CELSR1: variants seen among roughly 807,000 people sequenced by gnomAD.
CELSR1 encodes the protein cadherin EGF LAG seven-pass G-type receptor 1.
A neutral mutation model predicts 249.1 loss-of-function variants in CELSR1; 110 were observed. The ratio of observed to expected loss-of-function variants is 0.44; its 90% CI spans 0.38 to 0.52. The LOEUF (loss-of-function observed/expected upper bound fraction) is 0.52, where lower values mean the gene tolerates loss of function less well. CELSR1 is among the 20% of genes least tolerant of loss of function. The pLI, the probability that CELSR1 is intolerant of heterozygous loss-of-function variation, is 0.00. For synonymous variants in CELSR1, 2,113 were observed against 1,900.0 expected, an observed-to-expected ratio of 1.11 and a Z score of -2.92; for missense variants, 4,109 against 4,296.4, an observed-to-expected ratio of 0.96 and a Z score of 1.22.
chr22:46,478,878 G>GA (rs1208629863), intron 1 of CELSR1, among the ~76,000 whole-genome samples: 1 of 151,916 alleles, frequency 6.6e-6, no homozygotes, highest in Non-Finnish European at 1.5e-5. Context: ...AGTAAACACA[G>GA]CAACGAGCCC....
In CELSR1 at chr22:46,363,295, A is replaced by G. The variant is rs1421295392; in HGVS notation, c.9036-48T>C. The stretch of plus-strand genomic sequence containing the variant: ...AAGCAGGTGAAGGGTCAGTGAGGGT[A>G]GCGGCTTGGTGGGGCCCAAGGTTGT... On this transcript the variant is annotated intron_variant, in intron 34 of 34. Transcript: ENST00000674500. The surrounding 1 kb of genome is among the most constrained non-coding windows in gnomAD (Gnocchi z 4.3). The G allele has an allele frequency of 6.4e-7, 1 of 1,553,448 alleles. No homozygotes were observed. Among genetic ancestry groups the G allele is most frequent in the East Asian group, 2.3e-5 (1 of 44,256 alleles).
At chr22:46,531,727 A>G (rs182146423) in intron 1 of CELSR1, among the ~76,000 whole-genome samples, 1 of 152,310 alleles carries the variant, frequency 6.6e-6, no homozygotes, top group Non-Finnish European at 1.5e-5. Flanking sequence ...GAGCAGCAGC[A>G]TGACACCACT....
chr22:46,519,244 A>C (rs1734738734), intron 1 of CELSR1, among the ~76,000 whole-genome samples: 1 of 152,238 alleles, frequency 6.6e-6, no homozygotes, highest in Non-Finnish European at 1.5e-5. Context: ...GATGTTCTAA[A>C]CACCACAAAA....
chr22:46,457,966 G>C (rs1214149449), intron 2 of CELSR1, among the ~76,000 whole-genome samples: 1 of 152,246 alleles, frequency 6.6e-6, no homozygotes, highest in Non-Finnish European at 1.5e-5. Flanking sequence ...GCCAGCCCTT[G>C]TCTCATTTGC....
chr22:46,518,672 C>G lies in CELSR1; in HGVS notation c.3544+14955G>C, dbSNP rs561199555. Among the ~76,000 whole-genome samples the G allele has an allele frequency of 1.3e-5, 2 of 152,202 alleles. No homozygotes were observed. Among genetic ancestry groups the G allele is most frequent in the Non-Finnish European group, 2.9e-5 (2 of 68,040 alleles). ...CACGCCTGTAATCCGAGTGTGGCTG[C>G]GGTCTCTGCCTCCATCTTCACGTTG... On this transcript the variant is annotated intron_variant, in intron 1 of 34. Transcript: ENST00000674500. The surrounding 1 kb of genome is among the most constrained non-coding windows in gnomAD (Gnocchi z 5.2).
Position 46,409,936 on chromosome 22 carries a change from C to T in CELSR1, c.4934-56G>A, listed in dbSNP as rs946169647. 41 of 1,599,132 alleles carry T rather than the reference C, an allele frequency of 2.6e-5. No homozygotes were observed. The African/African-American group carries it at 2.7e-4, about 10-fold the overall frequency. ...ACTCGGAGGAACCGCCCGGGGTCCCCGGCGCCAGACGTGGCGTGGGAAACC... is the reference window on the plus strand; with the variant it reads ...ACTCGGAGGAACCGCCCGGGGTCCCTGGCGCCAGACGTGGCGTGGGAAACC... On this transcript the variant is annotated intron_variant, in intron 7 of 34. Coordinates refer to ENST00000674500, the MANE Select transcript of CELSR1 (RefSeq NM_001378328.1). This position sits in a 1 kb window ranked among gnomAD's most constrained non-coding sequence, Gnocchi z 9.8.
chr22:46,494,881 T>G (rs1317820597), intron 1 of CELSR1, among the ~76,000 whole-genome samples: 1 of 152,256 alleles, frequency 6.6e-6, no homozygotes, highest in Non-Finnish European at 1.5e-5. Flanking sequence ...ATGTTATCTT[T>G]TTATACTATT....
At chr22:46,435,411 G>A (rs12158132) in intron 4 of CELSR1, among the ~76,000 whole-genome samples, 19,224 of 149,904 alleles carry the variant, frequency 0.13, 2,490 homozygotes, top group African/African-American at 0.34. Context: ...CCTCCTGAGT[G>A]GCTGGGATTA....
intron 2 of CELSR1, chr22:46,462,645 CAAAAAAA>C (rs10541493): frequency 3.6e-5 from 6 of 164,860 alleles, no homozygotes; most frequent in East Asian, 2.0e-4. Flanking sequence ...AGAGAGCTTT[CAAAAAAA>C]AAAAAAAAAA....
At chr22:46,442,916 C>G (rs901966595) in intron 2 of CELSR1, among the ~76,000 whole-genome samples, 6 of 151,842 alleles carry the variant, frequency 4.0e-5, no homozygotes, top group Non-Finnish European at 8.8e-5. Flanking sequence ...ACGGTGAAAC[C>G]CCATCGCTAC....
chr22:46,439,294 T>C lies in CELSR1; in HGVS notation c.4301A>G (p.Glu1434Gly). The C allele has an allele frequency of 6.2e-7, 1 of 1,614,028 alleles. No individual in the cohort carries two copies. Among genetic ancestry groups the C allele is most frequent in the Non-Finnish European group, 8.5e-7 (1 of 1,180,010 alleles). The change falls in exon 3 of 35, where the codon GAG (glutamate) becomes GGG (glycine). Residue 1434 changes from glutamate to glycine, a missense_variant. By Grantham distance (98) the Glu-to-Gly change is moderately conservative. This residue lies in a region of CELSR1 where 453 missense variants were observed against 492.0 expected (regional missense o/e 0.92). Transcript: ENST00000674500. ...GGFHCVCPPG[E>G]YERPYCEVTT... is the part of the protein sequence containing the mutation. ...CACCTCACAGTAGGGCCTCTCATAC[T>C]CGCCAGGAGGACACACGCAGTGGAA...
At chr22:46,510,339 C>A (rs1220893179) in intron 1 of CELSR1, among the ~76,000 whole-genome samples, 1 of 151,988 alleles carries the variant, frequency 6.6e-6, no homozygotes, top group East Asian at 1.9e-4. Context: ...TGGAATGCAC[C>A]CCCTTTCCGA....
In CELSR1 at chr22:46,398,746, C is replaced by G. The variant is rs530244019; in HGVS notation, c.5413-109G>C. 2 of 805,860 alleles carry G rather than the reference C, an allele frequency of 2.5e-6. No homozygotes were observed. Among genetic ancestry groups the G allele is most frequent in the Non-Finnish European group, 3.9e-6 (2 of 516,748 alleles). The allele number at this position is 805,860 out of a possible 1,614,324, so 49.9% of individuals were successfully genotyped here. ...GTCTAAACAGTCACTTCAACAAACT[C>G]CGCAGAGCCTGAGGACATCTGGGCC... On this transcript the variant is annotated intron_variant, in intron 10 of 34. Coordinates refer to ENST00000674500, the MANE Select transcript of CELSR1 (RefSeq NM_001378328.1). The surrounding 1 kb of genome is among the most constrained non-coding windows in gnomAD (Gnocchi z 7.2).
Position 46,464,143 on chromosome 22 carries a change from G to A in CELSR1, c.3747C>T (p.Asn1249=), listed in dbSNP as rs761940661. Residue 1249 remains asparagine, a synonymous_variant, in exon 2 of 35, where the codon AAC becomes AAT. Coordinates refer to ENST00000674500, the MANE Select transcript of CELSR1 (RefSeq NM_001378328.1). The surrounding 1 kb of genome is among the most constrained non-coding windows in gnomAD (Gnocchi z 8.5). The stretch of plus-strand genomic sequence containing the variant: ...GGATGTTGGAGCTGACGTCGGTGTC[G>A]TTCTGGACGTTGAAGACGAAGACGT... ...KDDVFVFNVQ[N]DTDVSSNILN... 1.4e-5 allele frequency: 22 copies of A among 1,613,728 alleles called. No individual in the cohort carries two copies. The highest frequency in any genetic ancestry group is 5.5e-5 in the South Asian group (5 of 91,090).
chr22:46,373,196 T>A (rs2078875290), intron 24 of CELSR1, 139 bp from the exon 25 acceptor site: 1 of 927,206 alleles, frequency 1.1e-6, no homozygotes. Context: ...CAGGGCTACA[T>A]GTCTGGCCAA....
At chr22:46,523,058 G>T (rs1001488869) in intron 1 of CELSR1, among the ~76,000 whole-genome samples, 17 of 152,220 alleles carry the variant, frequency 1.1e-4, no homozygotes, top group African/African-American at 3.9e-4. Context: ...CTGACAAATG[G>T]TTATTGCCCT....
intron 2 of CELSR1, among the ~76,000 whole-genome samples, chr22:46,459,905 C>A (rs551549311): frequency 6.6e-6 from 1 of 152,238 alleles, no homozygotes; most frequent in African/African-American, 2.4e-5. Context: ...CAGAGCACCA[C>A]TAAACATTAG....
intron 1 of CELSR1, among the ~76,000 whole-genome samples, chr22:46,483,085 C>T (rs1229104586): frequency 6.6e-6 from 1 of 152,124 alleles, no homozygotes; most frequent in African/African-American, 2.4e-5. Flanking sequence ...TCCAGGTGAA[C>T]TAAGGACTTA....
Position 46,411,680 on chromosome 22 carries a change from G to A in CELSR1, c.4691C>T (p.Thr1564Ile). 6.2e-7 allele frequency: 1 copy of A among 1,614,218 alleles called. No individual in the cohort carries two copies. Among genetic ancestry groups the A allele is most frequent in the Non-Finnish European group, 8.5e-7 (1 of 1,180,040 alleles). The change falls in exon 6 of 35, where the codon ACA (threonine) becomes ATA (isoleucine). Residue 1564 changes from threonine (T) to isoleucine (I), a missense_variant. Physicochemically the swap from Thr to Ile is moderately conservative, Grantham distance 89 (BLOSUM62 -1). This residue lies in a region of CELSR1 where 453 missense variants were observed against 492.0 expected (regional missense o/e 0.92). Coordinates refer to ENST00000674500, the MANE Select transcript of CELSR1 (RefSeq NM_001378328.1). The surrounding 1 kb of genome is among the most constrained non-coding windows in gnomAD (Gnocchi z 4.2). The stretch of plus-strand genomic sequence containing the variant: ...CTTTCCAAAGCGCACAGCCATGGTT[G>A]TGTCACAATCATCCACTGTCACCAC... ...MAVVTVDDCDTTMAVRFGKDI... is the reference protein window; with the variant it reads ...MAVVTVDDCDITMAVRFGKDI...
Sources: gnomAD v4.1 joint callset for allele counts (sites outside exome capture counted in the v4.1 genomes callset) on GRCh38, gnomAD v4.1.1 for gene constraint, gnomAD v4.1.1 regional missense constraint, Gnocchi (gnomAD v3.1) non-coding constraint, MANE v1.5 for transcripts, NCBI Gene and HGNC (gene_info 2026-07-23, HGNC 2026-07-21) for gene names.